Variants in PRKN observed in about 807,000 individuals in gnomAD.
The protein encoded by PRKN is parkin RBR E3 ubiquitin protein ligase.
Under a neutral mutation model 59.5 loss-of-function variants are expected in PRKN, and 56 were observed. That is an observed-to-expected ratio of 0.94 (90% CI 0.76 to 1.18). PRKN has a LOEUF of 1.18. Ranked by LOEUF, PRKN falls within the 50% of genes most tolerant of loss-of-function variation. The pLI is 0.00. For synonymous variants in PRKN, 250 were observed against 222.1 expected, an observed-to-expected ratio of 1.13 and a Z score of -1.12; for missense variants, 657 against 596.4, an observed-to-expected ratio of 1.10 and a Z score of -1.06.
At chr6:162,165,994 G>C (rs1226549136) in intron 4 of PRKN, among the ~76,000 whole-genome samples, 1 of 140,266 alleles carries the variant, frequency 7.1e-6, no homozygotes. Context: ...GTTGCAGTGA[G>C]CCAGGGTCAT....
chr6:162,417,917 A>C (rs1343393968), intron 2 of PRKN, among the ~76,000 whole-genome samples: 5 of 152,216 alleles, frequency 3.3e-5, no homozygotes, highest in Admixed American at 2.0e-4. Context: ...ATGAAGCACA[A>C]TAAATATAGA....
chr6:161,888,915 C>T (rs1020013993), intron 6 of PRKN, among the ~76,000 whole-genome samples: 6 of 152,082 alleles, frequency 3.9e-5, no homozygotes, highest in African/African-American at 1.2e-4. Context: ...AAAGTCTCTC[C>T]CAAACATGGG....
intron 6 of PRKN, among the ~76,000 whole-genome samples, chr6:161,812,506 TA>T (rs1791605712): frequency 2.6e-5 from 4 of 152,022 alleles, no homozygotes; most frequent in Admixed American, 2.6e-4. Context: ...AGAGTATACA[TA>T]AAAAAACTTA....
rs999654865 is a variant in PRKN at position 161,575,027 on chromosome 6, C to T, written c.872-5611G>A. 3.9e-5 allele frequency among the ~76,000 whole-genome samples: 6 copies of T among 152,160 alleles called. No homozygotes were observed. The highest frequency in any genetic ancestry group is 2.6e-4 in the Admixed American group (4 of 15,280). ...ACCTCTTTCCGTGCCATCCTCATGC[C>T]GTGCTCACAAGTTTGTGCTCTTCTG... On this transcript the variant is annotated intron_variant, in intron 7 of 11. Coordinates refer to ENST00000366898, the MANE Select transcript of PRKN (RefSeq NM_004562.3). The surrounding 1 kb of genome is among the most constrained non-coding windows in gnomAD (Gnocchi z 4.6).
chr6:161,880,581 G>C (rs2128229413), intron 6 of PRKN, among the ~76,000 whole-genome samples: 1 of 152,298 alleles, frequency 6.6e-6, no homozygotes, highest in African/African-American at 2.4e-5. Flanking sequence ...CACCCTGCCT[G>C]GGGAGGAGCA....
intron 1 of PRKN, among the ~76,000 whole-genome samples, chr6:162,593,537 T>C (rs1781386325): frequency 6.6e-6 from 1 of 152,198 alleles, no homozygotes; most frequent in East Asian, 1.9e-4. Context: ...AATCTCACAA[T>C]ACGGTTCCAC....
chr6:162,401,051 C>T (rs115841021), intron 2 of PRKN, among the ~76,000 whole-genome samples: 1 of 152,208 alleles, frequency 6.6e-6, no homozygotes, highest in Non-Finnish European at 1.5e-5. Flanking sequence ...CGCTGTGCAT[C>T]TGAACTGATG....
chr6:161,995,987 A>T (rs779511045), intron 5 of PRKN, among the ~76,000 whole-genome samples: 35 of 152,130 alleles, frequency 2.3e-4, no homozygotes, highest in Non-Finnish European at 4.4e-4. Context: ...ACAAAAAATT[A>T]AAAAATCCCC....
chr6:161,426,148 A>G (rs1788344775), intron 9 of PRKN, among the ~76,000 whole-genome samples: 1 of 152,116 alleles, frequency 6.6e-6, no homozygotes, highest in African/African-American at 2.4e-5. Flanking sequence ...AGAGAGAAAA[A>G]CGGAGATTTG....
intron 1 of PRKN, among the ~76,000 whole-genome samples, chr6:162,501,253 G>C (rs1485806651): frequency 6.6e-6 from 1 of 152,088 alleles, no homozygotes; most frequent in East Asian, 1.9e-4. Flanking sequence ...AGTGAGGGTT[G>C]ATGGGGAAAA....
intron 7 of PRKN, among the ~76,000 whole-genome samples, chr6:161,730,254 T>G (rs1232312333): frequency 1.3e-5 from 2 of 150,884 alleles, no homozygotes; most frequent in Non-Finnish European, 2.9e-5. Flanking sequence ...CAGTCTGATG[T>G]GTTGCCCTCT....
At chr6:162,298,872 T>C (rs1287625598) in intron 2 of PRKN, among the ~76,000 whole-genome samples, 1 of 152,084 alleles carries the variant, frequency 6.6e-6, no homozygotes, top group Non-Finnish European at 1.5e-5. Context: ...CCTGGACCTC[T>C]GGGAGGTGCT....
At chr6:162,677,932 A>G (rs1779616718) in intron 1 of PRKN, among the ~76,000 whole-genome samples, 1 of 152,104 alleles carries the variant, frequency 6.6e-6, no homozygotes, top group Non-Finnish European at 1.5e-5. Context: ...CCCCCAGTAG[A>G]TTCTTCCTCC....
At chr6:161,864,980 C>G (rs1453361424) in intron 6 of PRKN, among the ~76,000 whole-genome samples, 1 of 152,024 alleles carries the variant, frequency 6.6e-6, no homozygotes, top group African/African-American at 2.4e-5. Flanking sequence ...TGTATTTTGC[C>G]CAGATCCGTC....
intron 4 of PRKN, among the ~76,000 whole-genome samples, chr6:162,062,192 G>C (rs1351903264): frequency 6.6e-6 from 1 of 152,144 alleles, no homozygotes; most frequent in African/African-American, 2.4e-5. Flanking sequence ...CATCTGACTG[G>C]ATAGACAAGA....
intron 1 of PRKN, among the ~76,000 whole-genome samples, chr6:162,557,463 T>C (rs1449309623): frequency 6.6e-6 from 1 of 152,208 alleles, no homozygotes; most frequent in Non-Finnish European, 1.5e-5. Flanking sequence ...TCTTCAGGCG[T>C]TGACCATAAA....
At chr6:162,311,861 C>G (rs1421601240) in intron 2 of PRKN, among the ~76,000 whole-genome samples, 1 of 151,922 alleles carries the variant, frequency 6.6e-6, no homozygotes, top group Non-Finnish European at 1.5e-5. Context: ...TTCCAATATT[C>G]TTTTTCTTTT....
chr6:161,931,273 T>C (rs1002821293), intron 6 of PRKN, among the ~76,000 whole-genome samples: 4 of 151,984 alleles, frequency 2.6e-5, no homozygotes, highest in Admixed American at 2.6e-4. Context: ...CTGTCTCTAC[T>C]AAAAATACAA....
Position 162,472,613 on chromosome 6 carries a change from G to A in PRKN, c.8-29140C>T, listed in dbSNP as rs1362711437. Among the ~76,000 whole-genome samples the A allele has an allele frequency of 8.6e-5, 11 of 128,008 alleles. 2 individuals are homozygous for A. The highest frequency in any genetic ancestry group is 5.4e-4 in the East Asian group (2 of 3,728). The allele number at this position is 128,008 out of a possible 152,430, so 84.0% of individuals were successfully genotyped here. On this transcript the variant is annotated intron_variant, in intron 1 of 11. Coordinates refer to ENST00000366898, the MANE Select transcript of PRKN (RefSeq NM_004562.3). ...CGCCATTCTCCTGCCTCAGCCTCCC[G>A]AGTAGCTGGGACTACAGGCGCCCGC... is the stretch of plus-strand genomic sequence containing the variant.
Sources: allele counts gnomAD v4.1 joint callset (sites outside exome capture counted in the v4.1 genomes callset), GRCh38; gene constraint gnomAD v4.1.1; non-coding constraint Gnocchi (gnomAD v3.1); transcripts MANE v1.5; gene names NCBI Gene and HGNC (gene_info 2026-07-23, HGNC 2026-07-21).